Variants in NKAIN2 observed in about 807,000 individuals in gnomAD.
NKAIN2 encodes the protein sodium/potassium-transporting ATPase subunit beta-1-interacting protein 2.
A neutral mutation model predicts 32.6 loss-of-function variants in NKAIN2; 14 were observed. That is an observed-to-expected ratio of 0.43 (90% confidence interval 0.28 to 0.67). NKAIN2 has a LOEUF of 0.67. Among genes scored for constraint, NKAIN2 ranks in the 30% least tolerant of loss-of-function variants. NKAIN2 has a pLI of 0.17. For synonymous variants in NKAIN2, 80 were observed against 87.2 expected (o/e 0.92, Z 0.46); for missense variants, 198 against 258.3 (o/e 0.77, Z 1.60).
intron 1 of NKAIN2, among the ~76,000 whole-genome samples, chr6:124,033,707 G>A (rs1486651928): frequency 6.6e-6 from 1 of 152,096 alleles, no homozygotes; most frequent in Non-Finnish European, 1.5e-5. Flanking sequence ...TTGGGAATTT[G>A]GTTGGGTCAT....
intron 3 of NKAIN2, among the ~76,000 whole-genome samples, chr6:124,429,202 T>C (rs1018787751): frequency 7.2e-6 from 1 of 139,426 alleles, no homozygotes; most frequent in East Asian, 2.2e-4. Context: ...CACTCCTGGC[T>C]AATTTTTTTT....
At chr6:124,387,793 A>G (rs992380372) in intron 3 of NKAIN2, among the ~76,000 whole-genome samples, 4 of 152,092 alleles carry the variant, frequency 2.6e-5, no homozygotes, top group Admixed American at 2.6e-4. Flanking sequence ...TGTGCCTTGT[A>G]TATCTCTGCA....
At chr6:124,213,587 A>T (rs1224040228) in intron 1 of NKAIN2, among the ~76,000 whole-genome samples, 1 of 152,120 alleles carries the variant, frequency 6.6e-6, no homozygotes, top group South Asian at 2.1e-4. Flanking sequence ...GAAATCTTCA[A>T]ATTAAGTTCC....
intron 3 of NKAIN2, among the ~76,000 whole-genome samples, chr6:124,360,983 A>C (rs190384713): frequency 6.6e-6 from 1 of 152,136 alleles, no homozygotes; most frequent in Non-Finnish European, 1.5e-5. Context: ...CTGTTGTATT[A>C]TTCTTGGCAA....
intron 4 of NKAIN2, among the ~76,000 whole-genome samples, chr6:124,738,314 G>T (rs1410385615): frequency 6.6e-6 from 1 of 151,616 alleles, no homozygotes; most frequent in African/African-American, 2.4e-5. Context: ...CTATTCCTTA[G>T]ATAATAAAAT....
chr6:124,627,665 G>A (rs1030047639), intron 3 of NKAIN2, among the ~76,000 whole-genome samples: 4 of 152,046 alleles, frequency 2.6e-5, no homozygotes, highest in African/African-American at 4.8e-5. Flanking sequence ...CTTCCTTGAC[G>A]GTGTTAACTC....
intron 3 of NKAIN2, among the ~76,000 whole-genome samples, chr6:124,596,712 A>T (rs1434681239): frequency 1.4e-5 from 2 of 146,724 alleles, no homozygotes; most frequent in African/African-American, 5.0e-5. Context: ...AAGTGTGTGT[A>T]ATGTATATAC....
rs185940156 is a variant in NKAIN2, at chr6:124,823,496, C to A, written c.*267C>A. The stretch of plus-strand genomic sequence containing the variant: ...CCATCTTGGATTTCCTGAAAGCAGG[C>A]CCCTTTCTCCCAGGCCTTCGGAAAG... On this transcript the variant is annotated 3_prime_UTR_variant, in exon 7 of 7. Coordinates refer to ENST00000368417, the MANE Select transcript of NKAIN2 (RefSeq NM_001040214.3). 149 of 427,726 alleles carry A rather than the reference C, an allele frequency of 3.5e-4. No individual in the cohort carries two copies. The highest frequency in any genetic ancestry group is 2.8e-3 in the African/African-American group (144 of 50,602). 26.5% of individuals were successfully genotyped at this position (427,726 alleles called of 1,614,324 possible). A position where few individuals can be genotyped will look rare whatever the true frequency, so the allele number is the denominator to read the frequency against.
At chr6:124,255,572 A>G (rs992587733) in intron 1 of NKAIN2, among the ~76,000 whole-genome samples, 20 of 152,346 alleles carry the variant, frequency 1.3e-4, no homozygotes, top group African/African-American at 4.1e-4. Flanking sequence ...GCCATGGAGC[A>G]ATAGAAGGAA....
At chr6:124,774,074 T>G (rs1778880680) in intron 4 of NKAIN2, among the ~76,000 whole-genome samples, 1 of 152,146 alleles carries the variant, frequency 6.6e-6, no homozygotes, top group African/African-American at 2.4e-5. Context: ...CATGGAAGAT[T>G]TTGAACAAAA....
chr6:124,327,693 G>A (rs1032992329), intron 2 of NKAIN2, among the ~76,000 whole-genome samples: 2 of 152,070 alleles, frequency 1.3e-5, no homozygotes, highest in African/African-American at 4.8e-5. Context: ...ATAAATGATA[G>A]CCATTATTTT....
intron 3 of NKAIN2, among the ~76,000 whole-genome samples, chr6:124,548,481 A>T (rs751380198): frequency 3.3e-5 from 5 of 152,190 alleles, no homozygotes; most frequent in Non-Finnish European, 7.3e-5. Flanking sequence ...TATTCCAGTG[A>T]TATAGCCAGA....
intron 1 of NKAIN2, among the ~76,000 whole-genome samples, chr6:123,826,607 A>G (rs1224133380): frequency 6.6e-6 from 1 of 152,124 alleles, no homozygotes. Flanking sequence ...GTAGAATCAT[A>G]TATCATCTAT....
chr6:124,443,956 C>T (rs1223598679), intron 3 of NKAIN2, among the ~76,000 whole-genome samples: 1 of 151,974 alleles, frequency 6.6e-6, no homozygotes, highest in Non-Finnish European at 1.5e-5. Flanking sequence ...TTCATATACT[C>T]TTATATGACC....
chr6:124,081,758 A>T (rs1430367136), intron 1 of NKAIN2, among the ~76,000 whole-genome samples: 1 of 152,116 alleles, frequency 6.6e-6, no homozygotes, highest in Non-Finnish European at 1.5e-5. Flanking sequence ...CCATAGACTT[A>T]TTAGTGCCAG....
At chr6:124,378,596 C>T (rs1201519444) in intron 3 of NKAIN2, among the ~76,000 whole-genome samples, 5 of 152,136 alleles carry the variant, frequency 3.3e-5, no homozygotes, top group African/African-American at 1.2e-4. Flanking sequence ...AGAATTGGAT[C>T]AGTCCAAGGC....
intron 2 of NKAIN2, among the ~76,000 whole-genome samples, chr6:124,344,469 G>T (rs201911798): frequency 0.058 from 8,858 of 151,490 alleles, 483 homozygotes; most frequent in African/African-American, 0.14. Context: ...CATGAGCATG[G>T]AATGTTCTTC....
intron 3 of NKAIN2, among the ~76,000 whole-genome samples, chr6:124,530,068 G>A (rs1389360150): frequency 1.3e-5 from 2 of 152,162 alleles, no homozygotes. Context: ...GTTCTTCAGA[G>A]AACCAGAACC....
intron 1 of NKAIN2, among the ~76,000 whole-genome samples, chr6:123,962,634 C>T (rs1005023697): frequency 2.6e-5 from 4 of 152,154 alleles, no homozygotes; most frequent in Non-Finnish European, 5.9e-5. Context: ...GAAAATTGCA[C>T]TTTAGTCATG....
Sources: gnomAD v4.1 joint callset for allele counts (sites outside exome capture counted in the v4.1 genomes callset) on GRCh38, gnomAD v4.1.1 for gene constraint, MANE v1.5 for transcripts, NCBI Gene and HGNC (gene_info 2026-07-23, HGNC 2026-07-21) for gene names.